Variants in SKAP2 observed in about 807,000 individuals in gnomAD.
The protein encoded by SKAP2 is src kinase associated phosphoprotein 2, also known as src kinase-associated phosphoprotein 2.
Under a neutral mutation model 54.9 loss-of-function variants are expected in SKAP2, and 28 were observed. The ratio of observed to expected loss-of-function variants is 0.51; its 90% CI spans 0.38 to 0.70. The LOEUF is 0.70. Among genes scored for constraint, SKAP2 ranks in the 30% least tolerant of loss-of-function variants. SKAP2 has a pLI of 0.00. For missense variants in SKAP2, 356 were observed against 424.1 expected (o/e 0.84, Z 1.41); for synonymous variants, 137 against 134.3 (o/e 1.02, Z -0.14).
intron 4 of SKAP2, among the ~76,000 whole-genome samples, chr7:26,786,989 T>C (rs1783560777): frequency 6.6e-6 from 1 of 152,092 alleles, no homozygotes; most frequent in Non-Finnish European, 1.5e-5. Flanking sequence ...TATATCCACA[T>C]GGGACAAAAA....
intron 4 of SKAP2, among the ~76,000 whole-genome samples, chr7:26,750,918 A>G (rs1366777987): frequency 1.3e-5 from 2 of 152,088 alleles, no homozygotes; most frequent in Non-Finnish European, 2.9e-5. Context: ...TCTTTCATTG[A>G]TTTACTTACT....
chr7:26,800,477 TTAG>T (rs1357549868), intron 4 of SKAP2, among the ~76,000 whole-genome samples: 2 of 151,468 alleles, frequency 1.3e-5, no homozygotes, highest in East Asian at 3.9e-4. Flanking sequence ...AAACCCAAAA[TTAG>T]TAGAAGAAAA....
At chr7:26,863,677 G>C (rs974659276) in intron 1 of SKAP2, among the ~76,000 whole-genome samples, 2 of 151,984 alleles carry the variant, frequency 1.3e-5, no homozygotes, top group Non-Finnish European at 1.5e-5. Flanking sequence ...GGAAGATAAG[G>C]GTACAAAGAT....
chr7:26,679,931 T>C (rs997541128), intron 11 of SKAP2, among the ~76,000 whole-genome samples: 5 of 152,244 alleles, frequency 3.3e-5, no homozygotes, highest in East Asian at 1.9e-4. Context: ...AAAAGTACCC[T>C]TTTATTTTAT....
chr7:26,759,485 G>A (rs537866331), intron 4 of SKAP2, among the ~76,000 whole-genome samples: 1 of 151,998 alleles, frequency 6.6e-6, no homozygotes, highest in Admixed American at 6.5e-5. Context: ...CTTTATCCCA[G>A]CCTCTTACAA....
chr7:26,710,566 T>C (rs1363335367), intron 9 of SKAP2, among the ~76,000 whole-genome samples: 1 of 152,096 alleles, frequency 6.6e-6, no homozygotes, highest in Non-Finnish European at 1.5e-5. Context: ...GTATGGGATA[T>C]GCGTGGGGAA....
intron 4 of SKAP2, among the ~76,000 whole-genome samples, chr7:26,843,223 A>T (rs1784854563): frequency 6.6e-6 from 1 of 152,108 alleles, no homozygotes; most frequent in African/African-American, 2.4e-5. Context: ...TGATCATCAC[A>T]TAGTGGCAGA....
At chr7:26,860,994 TAACA>T (rs1016326868) in intron 1 of SKAP2, among the ~76,000 whole-genome samples, 31 of 151,984 alleles carry the variant, frequency 2.0e-4, no homozygotes, top group Admixed American at 2.0e-4. Flanking sequence ...TTCAGAGCAC[TAACA>T]ATCACTATTT....
At chr7:26,723,193 C>T (rs1787616013) in intron 9 of SKAP2, among the ~76,000 whole-genome samples, 2 of 152,316 alleles carry the variant, frequency 1.3e-5, no homozygotes, top group Non-Finnish European at 2.9e-5. Context: ...TAGTTTCAGA[C>T]ATTTAATCAA....
intron 4 of SKAP2, among the ~76,000 whole-genome samples, chr7:26,744,902 A>G (rs1584364288): frequency 6.6e-6 from 1 of 152,188 alleles, no homozygotes; most frequent in Admixed American, 6.5e-5. Flanking sequence ...ATTTTTTGAT[A>G]TGCAACTTTG....
At chr7:26,701,919 T>G (rs565034025) in intron 9 of SKAP2, among the ~76,000 whole-genome samples, 50 of 152,250 alleles carry the variant, frequency 3.3e-4, no homozygotes, top group African/African-American at 1.2e-3. Context: ...ACAATATTTT[T>G]GCTTATTCTT....
In SKAP2 at chr7:26,762,490, A is replaced by G. The variant is rs115593586; in HGVS notation, c.308-22526T>C. Among the ~76,000 whole-genome samples, 745 of 152,190 alleles carry G rather than the reference A, an allele frequency of 4.9e-3. 10 individuals are homozygous for G. Among genetic ancestry groups the G allele is most frequent in the African/African-American group, 0.017 (726 of 41,506 alleles). Reference sequence around the variant, plus strand: ...ATGTACATGTATCATCCACACACACATGCAATACTGCCCAATATATCCTAA... The same window carrying G: ...ATGTACATGTATCATCCACACACACGTGCAATACTGCCCAATATATCCTAA... On this transcript the variant is annotated intron_variant, in intron 4 of 12. Coordinates refer to ENST00000345317, the MANE Select transcript of SKAP2 (RefSeq NM_003930.5).
chr7:26,685,167 A>C (rs1330958836), intron 10 of SKAP2, among the ~76,000 whole-genome samples: 2 of 152,168 alleles, frequency 1.3e-5, no homozygotes, highest in Non-Finnish European at 2.9e-5. Context: ...AACAAACCTA[A>C]GCCCACTTGC....
intron 5 of SKAP2, 142 bp from the exon 6 acceptor site, chr7:26,739,020 A>C: frequency 1.6e-6 from 1 of 641,152 alleles, no homozygotes; most frequent in Non-Finnish European, 2.8e-6. Flanking sequence ...AAAACCAAAC[A>C]ACAACAAACC....
intron 4 of SKAP2, among the ~76,000 whole-genome samples, chr7:26,816,872 T>C (rs948559811): frequency 3.9e-5 from 6 of 152,134 alleles, no homozygotes; most frequent in Non-Finnish European, 7.4e-5. Context: ...TTCTGACACA[T>C]TTTCTAACAT....
At chr7:26,732,601 C>T (rs919691653) in intron 6 of SKAP2, among the ~76,000 whole-genome samples, 39 of 152,242 alleles carry the variant, frequency 2.6e-4, no homozygotes, top group African/African-American at 8.4e-4. Context: ...GAATAACTTA[C>T]GTTATTTCCA....
chr7:26,833,862 C>T (rs1484254306), intron 4 of SKAP2, among the ~76,000 whole-genome samples: 1 of 152,172 alleles, frequency 6.6e-6, no homozygotes, highest in Non-Finnish European at 1.5e-5. Context: ...CAGACATCTA[C>T]AGAACTCTCC....
intron 4 of SKAP2, among the ~76,000 whole-genome samples, chr7:26,837,315 C>G (rs1482548870): frequency 6.6e-6 from 1 of 151,984 alleles, no homozygotes; most frequent in Non-Finnish European, 1.5e-5. Context: ...GCACATGTAC[C>G]CCAGAACTTA....
rs184719286 is a variant in SKAP2, at chr7:26,853,600, T to C, written c.199+537A>G. 4.9e-3 allele frequency among the ~76,000 whole-genome samples: 747 copies of C among 152,292 alleles called. 2 individuals carry two copies. Among genetic ancestry groups the C allele is most frequent in the Non-Finnish European group, 7.6e-3 (515 of 67,986 alleles). ...CTTTAAAAAATGTCTATGGCCCCTA[T>C]GTATTCATATCAAAATAACCACAAG... On this transcript the variant is annotated intron_variant, in intron 3 of 12. Coordinates refer to ENST00000345317, the MANE Select transcript of SKAP2 (RefSeq NM_003930.5).
Sources: gnomAD v4.1 joint callset for allele counts (sites outside exome capture counted in the v4.1 genomes callset) on GRCh38, gnomAD v4.1.1 for gene constraint, MANE v1.5 for transcripts, NCBI Gene and HGNC (gene_info 2026-07-23, HGNC 2026-07-21) for gene names.